EIF4G3: variants seen among roughly 807,000 people sequenced by gnomAD.
The protein encoded by EIF4G3 is eukaryotic translation initiation factor 4 gamma 3, also known as eIF-4-gamma 3.
EIF4G3 carries 34 observed loss-of-function variants against 186.4 expected under a neutral mutation model. The ratio of observed to expected loss-of-function variants is 0.18; its 90% CI spans 0.14 to 0.24. The LOEUF (loss-of-function observed/expected upper bound fraction) is 0.24, where lower values mean the gene tolerates loss of function less well. Ranked by LOEUF, EIF4G3 falls within the 10% of genes least tolerant of loss-of-function variation. The pLI, the probability that EIF4G3 is intolerant of heterozygous loss-of-function variation, is 1.00. For synonymous variants in EIF4G3, 673 were observed against 679.5 expected (o/e 0.99, Z 0.15); for missense variants, 1,536 against 1,948.5 (o/e 0.79, Z 3.99).
At chr1:21,123,851 G>T (rs2096972651) in intron 2 of EIF4G3, among the ~76,000 whole-genome samples, 1 of 152,144 alleles carries the variant, frequency 6.6e-6, no homozygotes, top group Non-Finnish European at 1.5e-5. Flanking sequence ...GGCTTTAGAT[G>T]GAAGGCATTT....
intron 19 of EIF4G3, among the ~76,000 whole-genome samples, chr1:20,879,919 A>G (rs1406377717): frequency 6.6e-6 from 1 of 152,124 alleles, no homozygotes; most frequent in Non-Finnish European, 1.5e-5. Context: ...ACAGAAAATA[A>G]CTTTGATGTA....
intron 14 of EIF4G3, among the ~76,000 whole-genome samples, chr1:20,939,550 A>G (rs1204907936): frequency 1.3e-5 from 2 of 152,226 alleles, no homozygotes; most frequent in African/African-American, 2.4e-5. Flanking sequence ...TAAAAAAAGA[A>G]TATATGTCAG....
At chr1:20,896,838 T>G (rs1213455840) in intron 16 of EIF4G3, among the ~76,000 whole-genome samples, 1 of 152,242 alleles carries the variant, frequency 6.6e-6, no homozygotes, top group Non-Finnish European at 1.5e-5. Flanking sequence ...ACACAAATAC[T>G]TACCATTATG....
rs1457057978 is a variant in EIF4G3 at position 20,851,354 on chromosome 1, G to A, written c.3676C>T (p.Arg1226Trp). 12 of 1,613,882 alleles carry A rather than the reference G, an allele frequency of 7.4e-6. No homozygotes were observed. Among genetic ancestry groups the A allele is most frequent in the African/African-American group, 4.0e-5 (3 of 74,830 alleles). ...LLDNQSQEEQRREMLETVKQL... is the reference protein window; with the variant it reads ...LLDNQSQEEQWREMLETVKQL... ...TTCACGGTCTCCAGCATCTCTCTCC[G>A]CTGCTCTTCTTGAGACTGATTGTCT... The change falls in exon 28 of 37, where the codon CGG becomes TGG. Residue 1226 changes from arginine to tryptophan, a missense_variant. Coordinates refer to ENST00000602326, the MANE Select transcript of EIF4G3 (RefSeq NM_001391906.1).
At chr1:20,906,486 AC>A (rs2092132008) in intron 14 of EIF4G3, among the ~76,000 whole-genome samples, 1 of 152,224 alleles carries the variant, frequency 6.6e-6, no homozygotes, top group African/African-American at 2.4e-5. Flanking sequence ...AAGAGGAAGA[AC>A]AATTTTTTGG....
At chr1:21,061,127 T>G (rs1411797551) in intron 3 of EIF4G3, among the ~76,000 whole-genome samples, 1 of 152,128 alleles carries the variant, frequency 6.6e-6, no homozygotes, top group Non-Finnish European at 1.5e-5. Context: ...AGTTTATGGC[T>G]TGAAAGATTA....
chr1:20,994,787 C>A (rs2081933979), intron 7 of EIF4G3, among the ~76,000 whole-genome samples: 1 of 151,794 alleles, frequency 6.6e-6, no homozygotes. Context: ...CACAACCACA[C>A]CCAACTAATT....
At chr1:21,024,683 C>T (rs905775870) in intron 4 of EIF4G3, among the ~76,000 whole-genome samples, 16 of 150,120 alleles carry the variant, frequency 1.1e-4, no homozygotes, top group Admixed American at 4.0e-4. Context: ...AAACAGATGC[C>T]TGAAGGCAGC....
chr1:20,850,221 T>C (rs1279165717), intron 28 of EIF4G3, among the ~76,000 whole-genome samples: 1 of 152,232 alleles, frequency 6.6e-6, no homozygotes, highest in Non-Finnish European at 1.5e-5. Flanking sequence ...TCACATTCAC[T>C]GTGCATCTGG....
chr1:21,172,488 T>C (rs570344768), intron 2 of EIF4G3, among the ~76,000 whole-genome samples: 2 of 152,318 alleles, frequency 1.3e-5, no homozygotes, highest in South Asian at 4.1e-4. Context: ...ATTAATGAAT[T>C]CATAAACTTG....
chr1:20,901,261 G>T (rs1429824488), intron 15 of EIF4G3, among the ~76,000 whole-genome samples: 1 of 152,028 alleles, frequency 6.6e-6, no homozygotes. Flanking sequence ...GAAAAAACCA[G>T]ATCTACCAAA....
intron 2 of EIF4G3, among the ~76,000 whole-genome samples, chr1:21,116,402 T>C (rs1413796483): frequency 6.6e-6 from 1 of 152,124 alleles, no homozygotes; most frequent in Non-Finnish European, 1.5e-5. Flanking sequence ...TCAAGGGTAA[T>C]CAAGGGTACT....
At chr1:21,135,954 C>T (rs1462082156) in intron 2 of EIF4G3, among the ~76,000 whole-genome samples, 1 of 151,868 alleles carries the variant, frequency 6.6e-6, no homozygotes, top group Non-Finnish European at 1.5e-5. Flanking sequence ...GAGGCCGAGG[C>T]GGGTGGATCA....
Position 20,820,143 on chromosome 1 carries a change from C to T in EIF4G3, c.4369-2605G>A, listed in dbSNP as rs183318573. ...CAGGCAGGAGCCCTGCCCTCCCACC[C>T]AAACTGCAGCTGTGGATTCGAGCCT... On this transcript the variant is annotated intron_variant, in intron 33 of 36. Coordinates refer to ENST00000602326, the MANE Select transcript of EIF4G3 (RefSeq NM_001391906.1). Among the ~76,000 whole-genome samples, 97 of 152,328 alleles carry T rather than the reference C, an allele frequency of 6.4e-4. 3 individuals carry two copies. The South Asian group carries it at 0.018, about 29-fold the overall frequency.
At chr1:20,999,417 T>C (rs938273012) in intron 6 of EIF4G3, 25 of 322,846 alleles carry the variant, frequency 7.7e-5, no homozygotes, top group African/African-American at 4.8e-4. Flanking sequence ...TGGAGTGAAA[T>C]GTTTCTTTAT....
In EIF4G3 at chr1:20,817,474, G is replaced by A. The variant is rs760872170; in HGVS notation, c.4433C>T (p.Ser1478Phe). The A allele has an allele frequency of 1.3e-5, 21 of 1,608,604 alleles. No homozygotes were observed. In the African/African-American group the frequency reaches 2.5e-4, roughly 19 times the overall value. ...SSEALSKKEL[S>F]AEELYKRLEK... is the part of the protein sequence containing the mutation. ...GAGTCGCTTATACAGCTCTTCGGCA[G>A]ACAGTTCTTTCTTTGAAAGTGCTTC... Residue 1478 changes from serine to phenylalanine, a missense_variant, in exon 34 of 37, where the codon TCT becomes TTT. By Grantham distance (155) the Ser-to-Phe change is radical. This residue lies in a region of EIF4G3 where 395 missense variants were observed against 498.9 expected (regional missense o/e 0.79). Coordinates refer to ENST00000602326, the MANE Select transcript of EIF4G3 (RefSeq NM_001391906.1).
At chr1:20,881,595 T>C (rs1053341647) in intron 19 of EIF4G3, among the ~76,000 whole-genome samples, 1 of 151,908 alleles carries the variant, frequency 6.6e-6, no homozygotes, top group African/African-American at 2.4e-5. Context: ...AAGACCAGCC[T>C]GGGCAACATG....
intron 14 of EIF4G3, among the ~76,000 whole-genome samples, chr1:20,908,407 T>C (rs2092633235): frequency 6.6e-6 from 1 of 152,334 alleles, no homozygotes; most frequent in Admixed American, 6.5e-5. Flanking sequence ...ACATGTTTAA[T>C]CATTGGGCTT....
chr1:20,810,845 T>C lies in EIF4G3; in HGVS notation c.4637A>G (p.Lys1546Arg), dbSNP rs1180223329. ...CTTGAGTAAGATCGGCACTCTCTGCTTGATAACAGCAGTGTCCACTCTGAA... is the reference window on the plus strand; with the variant it reads ...CTTGAGTAAGATCGGCACTCTCTGCCTGATAACAGCAGTGTCCACTCTGAA... ...STFRVDTAVI[K>R]QRVPILLKYL... is the part of the protein sequence containing the mutation. Residue 1546 changes from lysine to arginine, a missense_variant, in exon 36 of 37, where the codon AAG becomes AGG. Transcript: ENST00000602326. The surrounding 1 kb of genome is among the most constrained non-coding windows in gnomAD (Gnocchi z 4.1). 1.2e-6 allele frequency: 2 copies of C among 1,614,068 alleles called. No individual in the cohort carries two copies. Among genetic ancestry groups the C allele is most frequent in the Admixed American group, 1.7e-5 (1 of 60,000 alleles).
Sources: gnomAD v4.1 joint callset for allele counts (sites outside exome capture counted in the v4.1 genomes callset) on GRCh38, gnomAD v4.1.1 for gene constraint, gnomAD v4.1.1 regional missense constraint, Gnocchi (gnomAD v3.1) non-coding constraint, MANE v1.5 for transcripts, NCBI Gene and HGNC (gene_info 2026-07-23, HGNC 2026-07-21) for gene names.